The following PRRC2C variants were observed in gnomAD, a reference collection of about 807,000 sequenced individuals.
PRRC2C encodes protein PRRC2C.
A neutral mutation model predicts 317.2 loss-of-function variants in PRRC2C; 72 were observed. The ratio of observed to expected loss-of-function variants is 0.23; its 90% CI spans 0.19 to 0.28. PRRC2C has a LOEUF of 0.28. Among genes scored for constraint, PRRC2C ranks in the 10% least tolerant of loss-of-function variants. The probability of loss-of-function intolerance (pLI) is 1.00; values close to 1 mark genes in which losing one functional copy is unlikely to be tolerated. For synonymous variants in PRRC2C, 1,296 were observed against 1,205.9 expected, an observed-to-expected ratio of 1.07 and a Z score of -1.55; for missense variants, 3,074 against 3,459.7, an observed-to-expected ratio of 0.89 and a Z score of 2.80.
intron 18 of PRRC2C, among the ~76,000 whole-genome samples, chr1:171,554,890 T>G (rs1681047955): frequency 6.6e-6 from 1 of 152,202 alleles, no homozygotes; most frequent in South Asian, 2.1e-4. Context: ...TGGCTGCGCT[T>G]AATATTTTTT....
intron 4 of PRRC2C, among the ~76,000 whole-genome samples, chr1:171,515,068 T>C (rs1034009785): frequency 6.6e-6 from 1 of 152,256 alleles, no homozygotes; most frequent in African/African-American, 2.4e-5. Flanking sequence ...AAAGCACCAC[T>C]GCTGTAATAT....
intron 1 of PRRC2C, among the ~76,000 whole-genome samples, chr1:171,506,489 A>G (rs1175762987): frequency 6.6e-6 from 1 of 151,906 alleles, no homozygotes; most frequent in Non-Finnish European, 1.5e-5. Flanking sequence ...AGTTTTCATC[A>G]AATTTGTACC....
chr1:171,501,463 A>G (rs1033582773), intron 1 of PRRC2C, among the ~76,000 whole-genome samples: 27 of 152,198 alleles, frequency 1.8e-4, no homozygotes, highest in African/African-American at 6.3e-4. Flanking sequence ...TCTAATTACA[A>G]TGAAAAATGC....
chr1:171,558,080 A>G lies in PRRC2C; in HGVS notation c.5968A>G (p.Thr1990Ala). The change falls in exon 19 of 35, where the codon ACA (threonine) becomes GCA (alanine). Residue 1990 changes from threonine to alanine, a missense_variant. Thr to Ala is a moderately conservative substitution (Grantham distance 58). Coordinates refer to ENST00000647382, the MANE Select transcript of PRRC2C (RefSeq NM_001387844.1). ...IQTPQSHGTL[T>A]AELWDNKVAP... ...GACCCCACAGTCACATGGCACTCTG[A>G]CAGCTGAATTATGGGATAACAAGGT... 6.2e-7 allele frequency: 1 copy of G among 1,613,974 alleles called. No individual in the cohort carries two copies. The highest frequency in any genetic ancestry group is 1.1e-5 in the South Asian group (1 of 91,088).
chr1:171,540,317 G>A lies in PRRC2C; in HGVS notation c.2851G>A (p.Val951Ile). ...TGAACCATCTGCAGGCATTCCTAAA[G>A]TAACCAGCAGATGCATTGATTCAAA... ...RSEPSAGIPK[V>I]TSRCIDSKEP... Residue 951 changes from valine to isoleucine, a missense_variant, in exon 16 of 35, where the codon GTA becomes ATA. Val to Ile is a conservative substitution (Grantham distance 29, BLOSUM62 3). Transcript: ENST00000647382. 6.2e-7 allele frequency: 1 copy of A among 1,613,692 alleles called. No homozygotes were observed. Among genetic ancestry groups the A allele is most frequent in the Non-Finnish European group, 8.5e-7 (1 of 1,179,816 alleles).
Position 171,505,560 on chromosome 1 carries a change from GT to G in PRRC2C, c.-57-6469del, listed in dbSNP as rs1335671864. Among the ~76,000 whole-genome samples, 170 of 151,398 alleles carry G rather than the reference GT, an allele frequency of 1.1e-3. 1 individual carries two copies. The highest frequency in any genetic ancestry group is 2.0e-3 in the Non-Finnish European group (138 of 67,806). ...CTTCCAATTTGAATTTTTTTTTGTT[GT>G]TTCTTTCTTATTTTGCTGGGTGGAA... On this transcript the variant is annotated intron_variant, in intron 1 of 34. Transcript: ENST00000647382.
Position 171,516,067 on chromosome 1 carries a change from C to T in PRRC2C, c.526+208C>T, listed in dbSNP as rs961070729. 7.2e-5 allele frequency among the ~76,000 whole-genome samples: 11 copies of T among 152,142 alleles called. No individual in the cohort carries two copies. In the South Asian group the frequency reaches 1.9e-3, roughly 26 times the overall value. On this transcript the variant is annotated intron_variant, in intron 5 of 34. Coordinates refer to ENST00000647382, the MANE Select transcript of PRRC2C (RefSeq NM_001387844.1). ...GTTAGAAATGTGTCATCTTGGGCCT[C>T]GCATCCAACTTACTAAATCAAAATC... is the stretch of plus-strand genomic sequence containing the variant.
intron 1 of PRRC2C, among the ~76,000 whole-genome samples, chr1:171,506,034 A>G (rs373205219): frequency 6.6e-6 from 1 of 152,178 alleles, no homozygotes; most frequent in Non-Finnish European, 1.5e-5. Flanking sequence ...AGGCTATGCC[A>G]TCTACATTTG....
intron 1 of PRRC2C, among the ~76,000 whole-genome samples, chr1:171,495,907 G>A (rs1340040212): frequency 6.6e-6 from 1 of 152,152 alleles, no homozygotes; most frequent in Non-Finnish European, 1.5e-5. Flanking sequence ...TCTGAGATCA[G>A]GGTGCCAGCA....
At chr1:171,504,329 G>T (rs1324728205) in intron 1 of PRRC2C, among the ~76,000 whole-genome samples, 1 of 152,104 alleles carries the variant, frequency 6.6e-6, no homozygotes, top group East Asian at 1.9e-4. Context: ...TGCTTTTGGT[G>T]TTATATCTAA....
At chr1:171,559,315 A>G (rs370594011) in intron 19 of PRRC2C, among the ~76,000 whole-genome samples, 2 of 152,272 alleles carry the variant, frequency 1.3e-5, no homozygotes, top group South Asian at 2.1e-4. Context: ...TGCCTGACTT[A>G]AAAGGACAGG....
chr1:171,576,473 A>G (rs1446441434), intron 25 of PRRC2C, among the ~76,000 whole-genome samples: 1 of 152,216 alleles, frequency 6.6e-6, no homozygotes, highest in Non-Finnish European at 1.5e-5. Flanking sequence ...CAACTTATAC[A>G]TTACTTTTTA....
chr1:171,488,930 C>T (rs1264031895), intron 1 of PRRC2C, among the ~76,000 whole-genome samples: 1 of 152,076 alleles, frequency 6.6e-6, no homozygotes, highest in Non-Finnish European at 1.5e-5. Flanking sequence ...ATTTGAGGAG[C>T]ACGTCTAGTA....
At chr1:171,570,702 T>C (rs1280187097) in intron 23 of PRRC2C, among the ~76,000 whole-genome samples, 1 of 152,012 alleles carries the variant, frequency 6.6e-6, no homozygotes, top group Non-Finnish European at 1.5e-5. Flanking sequence ...ACAGTTTTAT[T>C]GTAATGAGAT....
Position 171,558,967 on chromosome 1 carries a change from C to G in PRRC2C, c.6031+824C>G, listed in dbSNP as rs928394924. On this transcript the variant is annotated intron_variant, in intron 19 of 34. Transcript: ENST00000647382. The stretch of plus-strand genomic sequence containing the variant: ...ATTGCTGATACAAAGTTATAGTGGT[C>G]TGGATAGCAGGTCAATCCAGACACA... Among the ~76,000 whole-genome samples the G allele has an allele frequency of 3.3e-5, 5 of 152,332 alleles. No homozygotes were observed. In the East Asian group the frequency reaches 7.7e-4, roughly 24 times the overall value.
Position 171,540,847 on chromosome 1 carries a change from G to T in PRRC2C, c.3381G>T (p.Gln1127His). 6.2e-7 allele frequency: 1 copy of T among 1,613,694 alleles called. No individual in the cohort carries two copies. The highest frequency in any genetic ancestry group is 8.5e-7 in the Non-Finnish European group (1 of 1,179,812). Reference protein sequence around the residue: ...VEPAVKTVNQQTMAAPVVKEE... With the variant: ...VEPAVKTVNQHTMAAPVVKEE... ...CTGCAGTTAAGACTGTAAACCAACAGACTATGGCAGCACCAGTAGTCAAAG... is the reference window on the plus strand; with the variant it reads ...CTGCAGTTAAGACTGTAAACCAACATACTATGGCAGCACCAGTAGTCAAAG... The change falls in exon 16 of 35, where the codon CAG becomes CAT. Residue 1127 changes from glutamine to histidine, a missense_variant. Gln to His is a conservative substitution (Grantham distance 24). Around this residue, in one of 11 missense-constraint regions of PRRC2C, gnomAD observed 1,320 missense variants for 1,395.7 expected, o/e 0.95. Transcript: ENST00000647382.
In PRRC2C at chr1:171,545,596, T is replaced by G; in HGVS notation, c.4881T>G (p.Thr1627=). ...GACAAAAGAACTCCAAAGATTCTAC[T>G]GGGAAAAAAAGAGAAGACCCCAAAC... is the stretch of plus-strand genomic sequence containing the variant. The part of the protein sequence containing the change: ...GTGQKNSKDS[T]GKKREDPKPG... Residue 1627 remains threonine, a synonymous_variant, in exon 17 of 35, where the codon ACT becomes ACG. Coordinates refer to ENST00000647382, the MANE Select transcript of PRRC2C (RefSeq NM_001387844.1). The G allele has an allele frequency of 6.2e-7, 1 of 1,611,684 alleles. No individual in the cohort carries two copies. The highest frequency in any genetic ancestry group is 8.5e-7 in the Non-Finnish European group (1 of 1,178,904).
chr1:171,544,514 T>A (rs1678678895), intron 16 of PRRC2C, among the ~76,000 whole-genome samples: 1 of 152,212 alleles, frequency 6.6e-6, no homozygotes, highest in Non-Finnish European at 1.5e-5. Flanking sequence ...TACTTGGAAT[T>A]TGAACATTCC....
At chr1:171,515,258 G>A (rs1449829026) in intron 4 of PRRC2C, among the ~76,000 whole-genome samples, 4 of 152,224 alleles carry the variant, frequency 2.6e-5, no homozygotes, top group Admixed American at 2.0e-4. Flanking sequence ...TGGGTGAATA[G>A]TGAGGTGTAA....
Sources: gnomAD v4.1 joint callset for allele counts (sites outside exome capture counted in the v4.1 genomes callset) on GRCh38, gnomAD v4.1.1 for gene constraint, gnomAD v4.1.1 regional missense constraint, MANE v1.5 for transcripts, NCBI Gene and HGNC (gene_info 2026-07-23, HGNC 2026-07-21) for gene names.